The following PLCH1 variants were observed in gnomAD, a reference collection of about 807,000 sequenced individuals.
The protein encoded by PLCH1 is 1-phosphatidylinositol 4,5-bisphosphate phosphodiesterase eta-1.
PLCH1 carries 60 observed loss-of-function variants against 126.7 expected under a neutral mutation model. That is an observed-to-expected ratio of 0.47 (90% CI 0.38 to 0.59). The LOEUF (loss-of-function observed/expected upper bound fraction) is 0.59, where lower values mean the gene tolerates loss of function less well. PLCH1 is among the 20% of genes least tolerant of loss of function. PLCH1 has a pLI of 0.00. For synonymous variants in PLCH1, 719 were observed against 734.9 expected (o/e 0.98, Z 0.35); for missense variants, 1,723 against 2,040.0 (o/e 0.84, Z 2.99).
intron 2 of PLCH1, among the ~76,000 whole-genome samples, chr3:155,678,799 G>T (rs933532821): frequency 6.6e-6 from 1 of 152,072 alleles, no homozygotes; most frequent in Non-Finnish European, 1.5e-5. Flanking sequence ...ATAGTACTTG[G>T]CATACAGTAG....
At chr3:155,508,623 T>C (rs1018110775) in intron 12 of PLCH1, among the ~76,000 whole-genome samples, 14 of 132,360 alleles carry the variant, frequency 1.1e-4, no homozygotes, top group African/African-American at 4.3e-4. Context: ...ATGTGGTTTT[T>C]GTCTTTGGCT....
intron 2 of PLCH1, among the ~76,000 whole-genome samples, chr3:155,620,805 C>T (rs536049539): frequency 3.3e-5 from 5 of 152,108 alleles, no homozygotes; most frequent in Non-Finnish European, 5.9e-5. Context: ...GGACAGAGCA[C>T]CTGGGGGAAG....
chr3:155,679,989 T>A (rs1206090542), intron 2 of PLCH1, among the ~76,000 whole-genome samples: 1 of 152,122 alleles, frequency 6.6e-6, no homozygotes, highest in Non-Finnish European at 1.5e-5. Context: ...TCGAAATTCC[T>A]CATGTTTTTT....
rs144427627 is a variant in PLCH1, at chr3:155,667,058, C to T, written c.79+37088G>A. Among the ~76,000 whole-genome samples, 1,308 of 152,232 alleles carry T rather than the reference C, an allele frequency of 8.6e-3. 16 individuals carry two copies. The highest frequency in any genetic ancestry group is 0.03 in the African/African-American group (1,253 of 41,556). On this transcript the variant is annotated intron_variant, in intron 2 of 22. Transcript: ENST00000460012. ...AGACTTGTTATCCACATTATTTTAT[C>T]TGATCCTCACAACTCTTTGAAGTGC...
At chr3:155,732,662 G>A (rs558020898) in intron 1 of PLCH1, among the ~76,000 whole-genome samples, 1 of 152,104 alleles carries the variant, frequency 6.6e-6, no homozygotes, top group South Asian at 2.1e-4. Flanking sequence ...CGAATCACCC[G>A]AGGTCAGGAG....
chr3:155,544,182 T>C (rs375111335), intron 10 of PLCH1, among the ~76,000 whole-genome samples: 2 of 151,490 alleles, frequency 1.3e-5, no homozygotes, highest in Non-Finnish European at 2.9e-5. Flanking sequence ...AAATAAAAGG[T>C]TGGAGGAAGA....
intron 1 of PLCH1, among the ~76,000 whole-genome samples, chr3:155,725,542 C>T (rs549804934): frequency 2.7e-4 from 41 of 151,778 alleles, no homozygotes; most frequent in East Asian, 1.9e-3. Flanking sequence ...CCACCTCCCA[C>T]GTTCAAGCAA....
At chr3:155,524,680 T>G (rs979002973) in intron 10 of PLCH1, among the ~76,000 whole-genome samples, 16 of 152,142 alleles carry the variant, frequency 1.1e-4, no homozygotes, top group African/African-American at 3.6e-4. Flanking sequence ...AGAGATACTA[T>G]AGTTTGAAAA....
At chr3:155,640,634 C>T (rs1353171996) in intron 2 of PLCH1, among the ~76,000 whole-genome samples, 2 of 152,136 alleles carry the variant, frequency 1.3e-5, no homozygotes, top group East Asian at 1.9e-4. Context: ...AATACATAGG[C>T]TATTTCTCTT....
chr3:155,545,244 A>G (rs1725071463), intron 10 of PLCH1, among the ~76,000 whole-genome samples: 1 of 150,228 alleles, frequency 6.7e-6, no homozygotes, highest in Admixed American at 6.6e-5. Context: ...CTACCATCAG[A>G]GAATACTACA....
At chr3:155,571,408 C>T (rs1055647660) in intron 6 of PLCH1, among the ~76,000 whole-genome samples, 1 of 152,106 alleles carries the variant, frequency 6.6e-6, no homozygotes, top group Non-Finnish European at 1.5e-5. Context: ...CTTTTGAAAT[C>T]GGTCTTTATA....
At chr3:155,632,966 T>C (rs1357275150) in intron 2 of PLCH1, among the ~76,000 whole-genome samples, 1 of 152,114 alleles carries the variant, frequency 6.6e-6, no homozygotes, top group Admixed American at 6.6e-5. Flanking sequence ...CTTTCCCTCC[T>C]ACTACTAACA....
intron 2 of PLCH1, among the ~76,000 whole-genome samples, chr3:155,666,933 T>G (rs985806217): frequency 6.7e-6 from 1 of 148,550 alleles, no homozygotes; most frequent in South Asian, 2.1e-4. Flanking sequence ...TGTGTGTGCA[T>G]GTGTGTGTAA....
At chr3:155,644,534 C>A (rs76053397) in intron 2 of PLCH1, among the ~76,000 whole-genome samples, 1 of 152,008 alleles carries the variant, frequency 6.6e-6, no homozygotes, top group Non-Finnish European at 1.5e-5. Context: ...ACCTGGGAGG[C>A]GGAAGTTGCA....
intron 6 of PLCH1, 151 bp from the exon 7 acceptor site, chr3:155,568,475 A>G: frequency 2.3e-6 from 1 of 444,054 alleles, no homozygotes; most frequent in Non-Finnish European, 4.1e-6. Context: ...CAGCTATTTT[A>G]TCTTTGGAGA....
intron 5 of PLCH1, 78 bp from the exon 6 acceptor site, chr3:155,583,720 A>C: frequency 9.9e-7 from 1 of 1,008,384 alleles, no homozygotes; most frequent in South Asian, 1.8e-5. Flanking sequence ...AATATTTACT[A>C]TAAAAGAGCT....
chr3:155,635,601 GCTT>G (rs1225324082), intron 2 of PLCH1, among the ~76,000 whole-genome samples: 8 of 152,312 alleles, frequency 5.3e-5, no homozygotes, highest in Admixed American at 3.3e-4. Flanking sequence ...TGTGACATAT[GCTT>G]CTTCTTAAAC....
At chr3:155,490,915 C>A in intron 18 of PLCH1, 47 bp from the exon 19 acceptor site, 5 of 1,024,674 alleles carry the variant, frequency 4.9e-6, no homozygotes, top group East Asian at 2.4e-5. Flanking sequence ...TATTTCTATA[C>A]ATATGTTAAT....
At chr3:155,601,802 T>C (rs1733768528) in intron 2 of PLCH1, among the ~76,000 whole-genome samples, 1 of 152,168 alleles carries the variant, frequency 6.6e-6, no homozygotes, top group Non-Finnish European at 1.5e-5. Context: ...TGTGACAGTC[T>C]AATCACACAA....
Sources: allele counts gnomAD v4.1 joint callset (sites outside exome capture counted in the v4.1 genomes callset), GRCh38; gene constraint gnomAD v4.1.1; transcripts MANE v1.5; gene names NCBI Gene and HGNC (gene_info 2026-07-23, HGNC 2026-07-21).